The following EREG variants were observed in gnomAD, a reference collection of about 807,000 sequenced individuals.
The protein encoded by EREG is proepiregulin.
EREG carries 23 observed loss-of-function variants against 22.4 expected under a neutral mutation model. The ratio of observed to expected loss-of-function variants is 1.03; its 90% CI spans 0.74 to 1.46. The LOEUF is 1.46. Ranked by LOEUF, EREG falls within the 40% of genes most tolerant of loss-of-function variation. The pLI is 0.00. For missense variants in EREG, 226 were observed against 205.9 expected (o/e 1.10, Z -0.60); for synonymous variants, 100 against 75.4 (o/e 1.33, Z -1.69).
chr4:74,377,400 G>A (rs541909596), intron 1 of EREG, among the ~76,000 whole-genome samples: 1 of 152,088 alleles, frequency 6.6e-6, no homozygotes, highest in African/African-American at 2.4e-5. Flanking sequence ...TAGTATTATT[G>A]CCTATTTCCA....
intron 3 of EREG, 81 bp downstream of exon 3, chr4:74,381,218 G>A: frequency 8.0e-7 from 1 of 1,255,200 alleles, no homozygotes; most frequent in South Asian, 1.4e-5. Context: ...ATTTGCTAGT[G>A]GATATATTCA....
In EREG at chr4:74,370,626, T is replaced by TGA. The variant is rs1368998016; in HGVS notation, c.67+5262_67+5263dup. 8.1e-4 allele frequency among the ~76,000 whole-genome samples: 121 copies of TGA among 149,770 alleles called. 1 individual carries two copies. Among genetic ancestry groups the TGA allele is most frequent in the African/African-American group, 2.4e-3 (99 of 40,718 alleles). ...GAAGATATTTGTGTGTGTGTGTGTG[T>TGA]GAGAGAGAGAGATAGAGAGAGAGAG... On this transcript the variant is annotated intron_variant, in intron 1 of 4. Coordinates refer to ENST00000244869, the MANE Select transcript of EREG (RefSeq NM_001432.3).
chr4:74,373,398 A>G (rs1752326397), intron 1 of EREG, among the ~76,000 whole-genome samples: 1 of 151,794 alleles, frequency 6.6e-6, no homozygotes, highest in African/African-American at 2.4e-5. Context: ...TTCTATGGCT[A>G]TTTTTCAAAA....
At chr4:74,383,423 A>G (rs1377573263) in intron 4 of EREG, among the ~76,000 whole-genome samples, 1 of 152,168 alleles carries the variant, frequency 6.6e-6, no homozygotes, top group Non-Finnish European at 1.5e-5. Flanking sequence ...CTAGACAATT[A>G]TAAAAAATGG....
rs898955467 is a variant in EREG at position 74,384,901 on chromosome 4, G to C, written c.*93G>C. On this transcript the variant is annotated 3_prime_UTR_variant, in exon 5 of 5. Coordinates refer to ENST00000244869, the MANE Select transcript of EREG (RefSeq NM_001432.3). Reference sequence around the variant, plus strand: ...TAATAATATTTATGTTGGGTCAAGTGTTAGGTCAATAACACTGTATTTTAA... The same window carrying C: ...TAATAATATTTATGTTGGGTCAAGTCTTAGGTCAATAACACTGTATTTTAA... The C allele has an allele frequency of 3.6e-5, 26 of 723,544 alleles. No homozygotes were observed. The highest frequency in any genetic ancestry group is 1.9e-4 in the Admixed American group (8 of 41,770). The allele number at this position is 723,544 out of a possible 1,614,324, so 44.8% of individuals were successfully genotyped here.
At chr4:74,365,406 C>A in intron 1 of EREG, 31 bp downstream of exon 1, 2 of 1,606,354 alleles carry the variant, frequency 1.2e-6, no homozygotes, top group Non-Finnish European at 1.7e-6. Flanking sequence ...TTCCGGCCGC[C>A]CCAAAGAGGA....
At chr4:74,379,687 G>GA (rs1192208740) in intron 2 of EREG, among the ~76,000 whole-genome samples, 153 bp downstream of exon 2, 6 of 152,130 alleles carry the variant, frequency 3.9e-5, no homozygotes, top group Non-Finnish European at 7.3e-5. Context: ...CTAATGTTCT[G>GA]AAAAAATTAT....
intron 1 of EREG, among the ~76,000 whole-genome samples, chr4:74,366,073 A>C (rs748815103): frequency 6.6e-6 from 1 of 151,770 alleles, no homozygotes; most frequent in African/African-American, 2.4e-5. Flanking sequence ...TGCTAATTGC[A>C]CTCCATAGCC....
At position 74,379,468 on chromosome 4, in the gene EREG, G is replaced by T; in HGVS notation, c.88G>T (p.Val30Phe). 1 of 1,608,788 alleles carries T rather than the reference G, an allele frequency of 6.2e-7. No homozygotes were observed. The highest frequency in any genetic ancestry group is 8.5e-7 in the Non-Finnish European group (1 of 1,175,244). The stretch of plus-strand genomic sequence containing the variant: ...AATAGGTTTCCATCTTCTACAGGCA[G>T]TCCTCAGTACAACTGTGATTCCATC... ...LCLGFHLLQA[V>F]LSTTVIPSCI... is the part of the protein sequence containing the mutation. The change falls in exon 2 of 5, where the codon GTC (valine) becomes TTC (phenylalanine). Residue 30 changes from valine to phenylalanine, a missense_variant. By Grantham distance (50) the Val-to-Phe change is conservative. Coordinates refer to ENST00000244869, the MANE Select transcript of EREG (RefSeq NM_001432.3).
At chr4:74,370,048 T>C (rs940781242) in intron 1 of EREG, among the ~76,000 whole-genome samples, 9 of 152,198 alleles carry the variant, frequency 5.9e-5, no homozygotes, top group African/African-American at 2.2e-4. Flanking sequence ...GTACACAGCA[T>C]GTAAGGCTTT....
chr4:74,365,295 C>A lies in EREG; in HGVS notation c.-14C>A. 6.2e-7 allele frequency: 1 copy of A among 1,600,526 alleles called. No homozygotes were observed. The highest frequency in any genetic ancestry group is 8.5e-7 in the Non-Finnish European group (1 of 1,178,846). ...CCGCCCTCCGCCAAGCCCCAGCGCC[C>A]GCTCCCATCGCCGATGACCGCGGGG... On this transcript the variant is annotated 5_prime_UTR_variant, in exon 1 of 5. Coordinates refer to ENST00000244869, the MANE Select transcript of EREG (RefSeq NM_001432.3).
At chr4:74,367,150 A>C (rs537162547) in intron 1 of EREG, among the ~76,000 whole-genome samples, 1 of 152,350 alleles carries the variant, frequency 6.6e-6, no homozygotes, top group East Asian at 1.9e-4. Context: ...ATGACTAGGG[A>C]ATAAAGTTCC....
At chr4:74,372,224 T>A (rs1752303040) in intron 1 of EREG, among the ~76,000 whole-genome samples, 1 of 152,234 alleles carries the variant, frequency 6.6e-6, no homozygotes, top group African/African-American at 2.4e-5. Context: ...AACTATATTA[T>A]CTGAAAGTAG....
chr4:74,379,375 G>A (rs1752435622), intron 1 of EREG, 73 bp from the exon 2 acceptor site: 1 of 929,920 alleles, frequency 1.1e-6, no homozygotes, highest in Non-Finnish European at 1.8e-6. Flanking sequence ...AAGTACTGCA[G>A]TTATGTAGAA....
At chr4:74,371,366 C>G (rs112977628) in intron 1 of EREG, among the ~76,000 whole-genome samples, 1,659 of 152,184 alleles carry the variant, frequency 0.011, 18 homozygotes, top group African/African-American at 0.024. Flanking sequence ...ATTTTAGCAC[C>G]GTTCACATCT....
chr4:74,368,774 A>G (rs1213972712), intron 1 of EREG, among the ~76,000 whole-genome samples: 1 of 152,146 alleles, frequency 6.6e-6, no homozygotes, highest in Non-Finnish European at 1.5e-5. Flanking sequence ...AAATCGTCTA[A>G]TTAATATGGC....
chr4:74,373,803 T>C (rs1033838638), intron 1 of EREG, among the ~76,000 whole-genome samples: 2 of 151,898 alleles, frequency 1.3e-5, no homozygotes, highest in African/African-American at 4.8e-5. Flanking sequence ...AGTAGGTTGC[T>C]ACTAGAAGGT....
At chr4:74,383,629 G>T (rs1207240901) in intron 4 of EREG, among the ~76,000 whole-genome samples, 1 of 152,126 alleles carries the variant, frequency 6.6e-6, no homozygotes, top group African/African-American at 2.4e-5. Flanking sequence ...ATGTCTCCAT[G>T]AAACATATTT....
intron 1 of EREG, among the ~76,000 whole-genome samples, chr4:74,373,755 C>T (rs1048088566): frequency 3.3e-5 from 5 of 150,340 alleles, no homozygotes; most frequent in African/African-American, 1.2e-4. Flanking sequence ...TATCTATACA[C>T]ACACACACAC....
Sources: allele counts gnomAD v4.1 joint callset (sites outside exome capture counted in the v4.1 genomes callset), GRCh38; gene constraint gnomAD v4.1.1; transcripts MANE v1.5; gene names NCBI Gene and HGNC (gene_info 2026-07-23, HGNC 2026-07-21).